Variants in ADGRL3 observed in about 807,000 individuals in gnomAD.
The protein encoded by ADGRL3 is adhesion G protein-coupled receptor L3.
Under a neutral mutation model 153.5 loss-of-function variants are expected in ADGRL3, and 62 were observed. The observed-to-expected ratio is 0.40, with a 90% CI of 0.33 to 0.50. The LOEUF is 0.50. Ranked by LOEUF, ADGRL3 falls within the 20% of genes least tolerant of loss-of-function variation. The pLI is 0.47. For synonymous variants in ADGRL3, 710 were observed against 672.5 expected (o/e 1.06, Z -0.86); for missense variants, 1,641 against 1,859.4 (o/e 0.88, Z 2.16).
intron 2 of ADGRL3, among the ~76,000 whole-genome samples, chr4:61,441,426 C>T (rs1388461165): frequency 1.3e-5 from 2 of 152,098 alleles, no homozygotes; most frequent in Non-Finnish European, 2.9e-5. Flanking sequence ...ATTGTTCTCA[C>T]AACTTCAGTC....
At chr4:61,800,707 C>G (rs1312073964) in intron 8 of ADGRL3, among the ~76,000 whole-genome samples, 1 of 152,076 alleles carries the variant, frequency 6.6e-6, no homozygotes, top group African/African-American at 2.4e-5. Flanking sequence ...AATGGGTTAT[C>G]CTGAACAGGT....
At chr4:61,777,547 TTAATC>T (rs1404550216) in intron 8 of ADGRL3, among the ~76,000 whole-genome samples, 5 of 152,264 alleles carry the variant, frequency 3.3e-5, no homozygotes, top group East Asian at 3.9e-4. Context: ...TTTCTGAAGA[TTAATC>T]TAATAATTCA....
intron 4 of ADGRL3, among the ~76,000 whole-genome samples, chr4:61,582,014 G>C (rs574754390): frequency 6.6e-6 from 1 of 151,912 alleles, no homozygotes; most frequent in Non-Finnish European, 1.5e-5. Flanking sequence ...TTAATACATA[G>C]GATTTGGAGT....
chr4:61,413,279 G>A (rs959431149), intron 2 of ADGRL3, among the ~76,000 whole-genome samples: 13 of 152,206 alleles, frequency 8.5e-5, no homozygotes, highest in African/African-American at 2.2e-4. Flanking sequence ...ACTGATACCC[G>A]GGGTCGGTGT....
intron 1 of ADGRL3, among the ~76,000 whole-genome samples, chr4:61,362,882 A>G (rs2096312708): frequency 6.6e-6 from 1 of 152,142 alleles, no homozygotes; most frequent in Non-Finnish European, 1.5e-5. Flanking sequence ...CCTTCTGATC[A>G]CTTCTGCTGT....
chr4:61,645,321 T>C (rs1000804788), intron 5 of ADGRL3, among the ~76,000 whole-genome samples: 6 of 151,670 alleles, frequency 4.0e-5, no homozygotes, highest in East Asian at 1.9e-4. Flanking sequence ...AATTTGATCC[T>C]GTCATTATGA....
At chr4:61,993,628 C>T (rs1043698815) in intron 19 of ADGRL3, among the ~76,000 whole-genome samples, 3 of 152,064 alleles carry the variant, frequency 2.0e-5, no homozygotes, top group South Asian at 2.1e-4. Flanking sequence ...AATACAATTA[C>T]GATCTTTGTT....
intron 2 of ADGRL3, among the ~76,000 whole-genome samples, chr4:61,384,552 G>A (rs2096713315): frequency 6.6e-6 from 1 of 151,228 alleles, no homozygotes; most frequent in African/African-American, 2.4e-5. Flanking sequence ...CAAATCCACT[G>A]GTAATATTTA....
intron 2 of ADGRL3, among the ~76,000 whole-genome samples, chr4:61,463,838 T>C (rs935054947): frequency 3.9e-5 from 6 of 152,120 alleles, no homozygotes; most frequent in Admixed American, 1.3e-4. Flanking sequence ...ACACCAGATG[T>C]GGATGGTCAT....
rs1745921245 is a variant in ADGRL3, at chr4:62,072,285, TGTA to T, written c.*1379_*1381del. 1.3e-5 allele frequency: 2 copies of T among 152,590 alleles called. No homozygotes were observed. 9.5% of individuals were successfully genotyped at this position (152,590 alleles called of 1,614,324 possible). A position where few individuals can be genotyped will look rare whatever the true frequency, so the allele number is the denominator to read the frequency against. Reference sequence around the variant, plus strand: ...ATTTATTTGACAGGATTTTGAGTAATGTAGGAATACAAAAGGTAAATTAGCAGC... The same window carrying T: ...ATTTATTTGACAGGATTTTGAGTAATGGAATACAAAAGGTAAATTAGCAGC... On this transcript the variant is annotated 3_prime_UTR_variant, in exon 27 of 27. Coordinates refer to ENST00000683033, the MANE Select transcript of ADGRL3 (RefSeq NM_001387552.1).
chr4:61,696,587 A>G (rs1425254815), intron 6 of ADGRL3, among the ~76,000 whole-genome samples: 1 of 151,918 alleles, frequency 6.6e-6, no homozygotes, highest in Non-Finnish European at 1.5e-5. Context: ...CTTATTTTTT[A>G]AATTTTCATT....
chr4:61,840,203 C>A lies in ADGRL3; in HGVS notation c.1480+26314C>A, dbSNP rs534385064. Among the ~76,000 whole-genome samples the A allele has an allele frequency of 4.2e-4, 64 of 152,236 alleles. 2 individuals are homozygous for A. In the South Asian group the frequency reaches 0.01, roughly 24 times the overall value. On this transcript the variant is annotated intron_variant, in intron 9 of 26. Coordinates refer to ENST00000683033, the MANE Select transcript of ADGRL3 (RefSeq NM_001387552.1). ...CAAGCCATTCTCCTGCCTCTGCCTC[C>A]CATGTAGCTGGGATTACAGGCGCCT...
intron 1 of ADGRL3, among the ~76,000 whole-genome samples, chr4:61,220,320 CTTGT>C (rs1346687859): frequency 2.0e-5 from 3 of 151,978 alleles, no homozygotes; most frequent in African/African-American, 7.3e-5. Context: ...GCTCTAATAA[CTTGT>C]TTGTCTCATG....
chr4:61,245,794 A>G (rs1756818089), intron 1 of ADGRL3, among the ~76,000 whole-genome samples: 1 of 152,134 alleles, frequency 6.6e-6, no homozygotes, highest in African/African-American at 2.4e-5. Flanking sequence ...TAATAGCATT[A>G]AGTGGTAAAC....
chr4:61,759,514 A>G (rs892399830), intron 8 of ADGRL3, among the ~76,000 whole-genome samples: 2 of 152,098 alleles, frequency 1.3e-5, no homozygotes, highest in African/African-American at 2.4e-5. Context: ...CTTGGTTTTC[A>G]GCTCCATCAG....
intron 2 of ADGRL3, among the ~76,000 whole-genome samples, chr4:61,396,183 A>C (rs1352448297): frequency 6.6e-6 from 1 of 151,870 alleles, no homozygotes; most frequent in African/African-American, 2.4e-5. Context: ...CTAGTACAAC[A>C]TCCTTTTAGC....
intron 19 of ADGRL3, 31 bp from the exon 20 acceptor site, chr4:61,996,260 A>T: frequency 6.6e-7 from 1 of 1,515,972 alleles, no homozygotes; most frequent in Non-Finnish European, 9.2e-7. Flanking sequence ...CCAGTCCTTG[A>T]ATACCTTCTC....
intron 4 of ADGRL3, among the ~76,000 whole-genome samples, chr4:61,534,201 G>T (rs925700552): frequency 1.3e-5 from 2 of 152,202 alleles, no homozygotes; most frequent in African/African-American, 4.8e-5. Context: ...ATTGCATAAG[G>T]TGTCCTTTCT....
At chr4:61,976,257 A>G (rs761658988) in intron 17 of ADGRL3, among the ~76,000 whole-genome samples, 8 of 152,208 alleles carry the variant, frequency 5.3e-5, no homozygotes, top group African/African-American at 1.2e-4. Flanking sequence ...CCATTATCAC[A>G]TTGGTACAAC....
Sources: allele counts gnomAD v4.1 joint callset (sites outside exome capture counted in the v4.1 genomes callset), GRCh38; gene constraint gnomAD v4.1.1; transcripts MANE v1.5; gene names NCBI Gene and HGNC (gene_info 2026-07-23, HGNC 2026-07-21).